NLRP12: variants seen among roughly 807,000 people sequenced by gnomAD.
NLRP12 encodes NACHT, LRR and PYD domains-containing protein 12.
Under a neutral mutation model 91.2 loss-of-function variants are expected in NLRP12, and 108 were observed. That is an observed-to-expected ratio of 1.18 (90% CI 1.01 to 1.39). NLRP12 has a LOEUF of 1.39. Among genes scored for constraint, NLRP12 ranks in the 40% most tolerant of loss-of-function variants. The pLI, the probability that NLRP12 is intolerant of heterozygous loss-of-function variation, is 0.00. For synonymous variants in NLRP12, 613 were observed against 566.7 expected, an observed-to-expected ratio of 1.08 and a Z score of -1.16; for missense variants, 1,530 against 1,352.7, an observed-to-expected ratio of 1.13 and a Z score of -2.06.
rs759034762 is a variant in NLRP12 at position 53,811,203 on chromosome 19, G to GT, written c.455dup (p.Asn152LysfsTer41). 3.5e-5 allele frequency: 57 copies of GT among 1,614,014 alleles called. No individual in the cohort carries two copies. The highest frequency in any genetic ancestry group is 4.7e-5 in the Non-Finnish European group (55 of 1,180,040). On this transcript the variant is annotated frameshift_variant, in exon 3 of 10. Transcript: ENST00000324134. LOFTEE classifies it high-confidence loss of function. The stretch of plus-strand genomic sequence containing the variant: ...GGAGCCGGGTGTACCGGTGGCTGAG[G>GT]TTGACACATTCCCCTAGGCGCGCAT...
intron 5 of NLRP12, among the ~76,000 whole-genome samples, chr19:53,804,756 A>G (rs562148659): frequency 6.5e-4 from 98 of 150,466 alleles, no homozygotes; most frequent in African/African-American, 2.2e-3. Context: ...GGTCGAGTGC[A>G]GTGGCTCACA....
chr19:53,795,958 A>C lies in NLRP12; in HGVS notation c.2999T>G (p.Leu1000Trp), dbSNP rs1378786544. 3 of 1,614,150 alleles carry C rather than the reference A, an allele frequency of 1.9e-6. No homozygotes were observed. The highest frequency in any genetic ancestry group is 2.5e-6 in the Non-Finnish European group (3 of 1,180,018). Residue 1000 changes from leucine (L) to tryptophan (W), a missense_variant, in exon 9 of 10, where the codon TTG becomes TGG. Physicochemically the swap from Leu to Trp is moderately conservative, Grantham distance 61. Coordinates refer to ENST00000324134, the MANE Select transcript of NLRP12 (RefSeq NM_144687.4). ...GTTGTTGGTCAGGTAAAGGTCGGTC[A>C]AGGTCTGGTTGATCCCCAGGGTGAA... is the stretch of plus-strand genomic sequence containing the variant. ...LYFTLGINQT[L>W]TDLYLTNNAL...
intron 8 of NLRP12, among the ~76,000 whole-genome samples, chr19:53,796,555 T>C (rs2091765204): frequency 6.6e-6 from 1 of 152,040 alleles, no homozygotes; most frequent in African/African-American, 2.4e-5. Flanking sequence ...CCGTAATTTT[T>C]ATATCTTTAG....
intron 1 of NLRP12, 88 bp downstream of exon 1, chr19:53,823,798 C>G: frequency 1.4e-6 from 2 of 1,477,254 alleles, no homozygotes; most frequent in Non-Finnish European, 1.9e-6. Flanking sequence ...GATCTGCCCT[C>G]TTCAGCCTCC....
intron 8 of NLRP12, among the ~76,000 whole-genome samples, chr19:53,797,083 G>A (rs1038566401): frequency 2.0e-5 from 3 of 151,988 alleles, no homozygotes; most frequent in Non-Finnish European, 4.4e-5. Context: ...AGGTGAGGGA[G>A]AAAGTCACAA....
chr19:53,823,363 A>G (rs1485052468), intron 1 of NLRP12, among the ~76,000 whole-genome samples: 7 of 135,470 alleles, frequency 5.2e-5, no homozygotes, highest in Admixed American at 8.3e-5. Flanking sequence ...TATTTAATAT[A>G]TATTTAATAA....
intron 1 of NLRP12, among the ~76,000 whole-genome samples, chr19:53,819,569 A>G (rs1291024330): frequency 1.1e-5 from 1 of 88,850 alleles, no homozygotes; most frequent in African/African-American, 4.2e-5. Context: ...ACGTATATAT[A>G]TGCGTATATA....
Position 53,810,519 on chromosome 19 carries a change from AT to A in NLRP12, c.1139del (p.Asn380MetfsTer12). ...RKEYFYKYFH[N>X]AEQAGQVFNY... is the part of the protein sequence containing the mutation. ...TGAAGACTTGGCCCGCCTGCTCTGC[AT>A]TGTGGAAATACTTGTAGAAGTATTC... On this transcript the variant is annotated frameshift_variant, in exon 3 of 10. Transcript: ENST00000324134. LOFTEE classifies it high-confidence loss of function. The A allele has an allele frequency of 1.2e-6, 2 of 1,614,124 alleles. No homozygotes were observed. Among genetic ancestry groups the A allele is most frequent in the Non-Finnish European group, 1.7e-6 (2 of 1,180,018 alleles).
chr19:53,814,643 A>G (rs1012369803), intron 2 of NLRP12, among the ~76,000 whole-genome samples: 3 of 152,052 alleles, frequency 2.0e-5, no homozygotes, highest in Non-Finnish European at 2.9e-5. Flanking sequence ...GAGCCACTGT[A>G]CCTGGCCTCT....
intron 1 of NLRP12, among the ~76,000 whole-genome samples, chr19:53,820,691 ATTTTT>A (rs35015752): frequency 2.1e-5 from 3 of 139,930 alleles, no homozygotes; most frequent in African/African-American, 7.9e-5. Context: ...AAAATAAATT[ATTTTT>A]TTTTTTTTTG....
intron 1 of NLRP12, among the ~76,000 whole-genome samples, chr19:53,820,405 C>T (rs1599868990): frequency 6.6e-6 from 1 of 152,138 alleles, no homozygotes; most frequent in Middle Eastern, 3.4e-3. Context: ...TGGCACGCAC[C>T]TGTAGTCCCA....
intron 1 of NLRP12, among the ~76,000 whole-genome samples, chr19:53,820,806 G>C (rs1350816062): frequency 1.3e-5 from 2 of 149,116 alleles, no homozygotes; most frequent in Non-Finnish European, 3.0e-5. Context: ...TCCTGCCTCA[G>C]CCTCCTGAGT....
intron 5 of NLRP12, 82 bp from the exon 6 acceptor site, chr19:53,804,204 T>C: frequency 3.4e-6 from 5 of 1,483,372 alleles, no homozygotes; most frequent in Non-Finnish European, 4.6e-6. Context: ...TGTTATTTTA[T>C]TATTTAGGAA....
Position 53,809,517 on chromosome 19 carries a change from C to CAAGA in NLRP12, c.2072+69_2072+70insTCTT. On this transcript the variant is annotated intron_variant, in intron 3 of 9. Coordinates refer to ENST00000324134, the MANE Select transcript of NLRP12 (RefSeq NM_144687.4). ...GTGTACTCCAGCCTAGGCAACAGAG[C>CAAGA]AAAAAAAAAAAAAAAAAAAAAAAAC... is the stretch of plus-strand genomic sequence containing the variant. 4 of 691,936 alleles carry CAAGA rather than the reference C, an allele frequency of 5.8e-6. No homozygotes were observed. In the East Asian group the frequency reaches 1.3e-4, roughly 23 times the overall value. The allele number at this position is 691,936 out of a possible 1,614,324, so 42.9% of individuals were successfully genotyped here. A position where few individuals can be genotyped will look rare whatever the true frequency, so the allele number is the denominator to read the frequency against.
At chr19:53,819,449 A>G (rs370635794) in intron 1 of NLRP12, among the ~76,000 whole-genome samples, 384 of 14,004 alleles carry the variant, frequency 0.027, 52 homozygotes, top group Non-Finnish European at 0.046. Context: ...ATATATATAT[A>G]TATATATATG....
rs773831845 is a variant in NLRP12, at chr19:53,824,156, T to C, written c.19A>G (p.Arg7Gly). 29 of 1,613,940 alleles carry C rather than the reference T, an allele frequency of 1.8e-5. No individual in the cohort carries two copies. The East Asian group carries it at 4.5e-4, about 25-fold the overall frequency. ...GTGGACAGGCGACAGAGGCCGTCCC[T>C]GCCTGCGGTTCGTAGCATGGGGGTG... MLRTAGRDGLCRLSTYL... is the reference protein window; with the variant it reads MLRTAGGDGLCRLSTYL... Residue 7 changes from arginine to glycine, a missense_variant, in exon 1 of 10, where the codon AGG becomes GGG. Coordinates refer to ENST00000324134, the MANE Select transcript of NLRP12 (RefSeq NM_144687.4).
At position 53,805,452 on chromosome 19, in the gene NLRP12, T is replaced by C; in HGVS notation, c.2244-2A>G. On this transcript the variant is annotated splice_acceptor_variant, in intron 4 of 9. Coordinates refer to ENST00000324134, the MANE Select transcript of NLRP12 (RefSeq NM_144687.4). LOFTEE classifies it high-confidence loss of function. ...CTGGAGATGCGGCACCTCTTCAGCC[T>C]GGGGTGGAAAAGAGGAGAAAGGAGC... The C allele has an allele frequency of 6.2e-7, 1 of 1,613,102 alleles. No individual in the cohort carries two copies.
intron 8 of NLRP12, among the ~76,000 whole-genome samples, chr19:53,796,379 G>GCA (rs10637476): frequency 0.33 from 50,332 of 151,640 alleles, 8,548 homozygotes; most frequent in African/African-American, 0.4. Context: ...AGCCTCCCCA[G>GCA]CAGCTGGGAC....
intron 2 of NLRP12, among the ~76,000 whole-genome samples, chr19:53,812,589 G>A (rs924913434): frequency 6.6e-6 from 1 of 151,980 alleles, no homozygotes; most frequent in African/African-American, 2.4e-5. Context: ...GGAACCACAG[G>A]ACGACCCCAT....
Sources: gnomAD v4.1 joint callset for allele counts (sites outside exome capture counted in the v4.1 genomes callset) on GRCh38, gnomAD v4.1.1 for gene constraint, MANE v1.5 for transcripts, NCBI Gene and HGNC (gene_info 2026-07-23, HGNC 2026-07-21) for gene names.